Variants in SLC29A4 observed in about 807,000 individuals in gnomAD.
SLC29A4 encodes equilibrative nucleoside transporter 4.
In SLC29A4, 36 loss-of-function variants were observed where a neutral mutation model predicts 43.9. The ratio of observed to expected loss-of-function variants is 0.82; its 90% confidence interval spans 0.63 to 1.08. SLC29A4 has a LOEUF of 1.08. Among genes scored for constraint, SLC29A4 ranks in the 50% least tolerant of loss-of-function variants. SLC29A4 has a pLI of 0.00. For synonymous variants in SLC29A4, 491 were observed against 338.0 expected (o/e 1.45, Z -4.97); for missense variants, 869 against 755.3 (o/e 1.15, Z -1.77).
chr7:5,297,783 G>A (rs1223572583), intron 7 of SLC29A4, among the ~76,000 whole-genome samples: 1 of 152,186 alleles, frequency 6.6e-6, no homozygotes, highest in African/African-American at 2.4e-5. Context: ...CTCCCAGGTG[G>A]GGATAGGCGG....
At chr7:5,299,729 T>A (rs114699407) in intron 9 of SLC29A4, among the ~76,000 whole-genome samples, 1 of 152,126 alleles carries the variant, frequency 6.6e-6, no homozygotes, top group Non-Finnish European at 1.5e-5. Flanking sequence ...CAGAGGGGAC[T>A]CAGAGAAGGC....
intron 1 of SLC29A4, among the ~76,000 whole-genome samples, chr7:5,284,339 C>A (rs1470826269): frequency 6.6e-6 from 1 of 152,162 alleles, no homozygotes; most frequent in Non-Finnish European, 1.5e-5. Flanking sequence ...TGCAGCTGAG[C>A]CTACCCCACC....
Position 5,300,427 on chromosome 7 carries a change from G to A in SLC29A4, c.1215G>A (p.Leu405=). Residue 405 remains leucine, a synonymous_variant, in exon 10 of 11, where the codon CTG becomes CTA. Transcript: ENST00000396872. ...FNLSDFVGKI[L]AALPVDWRGT... is the part of the protein sequence containing the mutation. ...ACTTGCCTGGCTCTCTGCAGATCCT[G>A]GCAGCCCTGCCCGTGGACTGGCGGG... The A allele has an allele frequency of 6.2e-7, 1 of 1,611,292 alleles. No homozygotes were observed.
chr7:5,286,971 C>G (rs545571178), intron 1 of SLC29A4, among the ~76,000 whole-genome samples: 21 of 152,350 alleles, frequency 1.4e-4, no homozygotes, highest in African/African-American at 4.6e-4. Flanking sequence ...CATCGTACCG[C>G]CAAAGTATTC....
intron 4 of SLC29A4, 152 bp downstream of exon 4, chr7:5,291,389 CGTGGTGGGGCCTCTGT>C: frequency 1.2e-6 from 1 of 811,854 alleles, no homozygotes; most frequent in Non-Finnish European, 2.0e-6. Context: ...TGTAAGACAC[CGTGGTGGGGCCTCTGT>C]ACCCCAAGTC....
At position 5,306,884 on chromosome 7, in the gene SLC29A4, A is replaced by AG. The variant is rs1015556402; in HGVS notation, c.*3945_*3946insG. The AG allele has an allele frequency of 2.9e-4, 44 of 151,204 alleles. No homozygotes were observed. Among genetic ancestry groups the AG allele is most frequent in the African/African-American group, 1.1e-3 (44 of 41,142 alleles). The allele number at this position is 151,204 out of a possible 1,614,324, so 9.4% of individuals were successfully genotyped here. Reference sequence around the variant, plus strand: ...AAAATTCCAAAAGAAACATAAAAAAAAAAACCAATAATTCCCCCAAAAAAC... The same window carrying AG: ...AAAATTCCAAAAGAAACATAAAAAAAGAAAACCAATAATTCCCCCAAAAAAC... On this transcript the variant is annotated 3_prime_UTR_variant, in exon 11 of 11. Transcript: ENST00000396872.
chr7:5,291,940 A>G, intron 5 of SLC29A4, 119 bp downstream of exon 5: 2 of 1,416,120 alleles, frequency 1.4e-6, no homozygotes, highest in Non-Finnish European at 1.9e-6. Context: ...GCTGGGTGCC[A>G]GGTGTGTGTC....
chr7:5,285,620 G>C (rs1238067970), intron 1 of SLC29A4, among the ~76,000 whole-genome samples: 5 of 152,240 alleles, frequency 3.3e-5, no homozygotes, highest in African/African-American at 9.6e-5. Flanking sequence ...CCTGCCTAGA[G>C]GCTGGGAAGG....
In SLC29A4 at chr7:5,291,772, C is replaced by G. The variant is rs370316788; in HGVS notation, c.495C>G (p.Ala165=). 1.8e-5 allele frequency: 29 copies of G among 1,611,868 alleles called. No individual in the cohort carries two copies. Among genetic ancestry groups the G allele is most frequent in the Middle Eastern group, 4.5e-4 (2 of 4,462 alleles). ...TGCAGCTCTTCTCTCGGGACCAGGC[C>G]TACGCCATCAACCTGGCCGCTGTGG... is the stretch of plus-strand genomic sequence containing the variant. ...VWLQLFSRDQ[A]YAINLAAVGT... Residue 165 remains alanine (A), a synonymous_variant, in exon 5 of 11, where the codon GCC becomes GCG. Coordinates refer to ENST00000396872, the MANE Select transcript of SLC29A4 (RefSeq NM_153247.4).
chr7:5,302,929 C>T lies in SLC29A4; in HGVS notation c.1583C>T (p.Ala528Val). The change falls in exon 11 of 11, where the codon GCA (alanine) becomes GTA (valine). Residue 528 changes from alanine to valine, a missense_variant. Coordinates refer to ENST00000396872, the MANE Select transcript of SLC29A4 (RefSeq NM_153247.4). ...HASTANGSIL[A>V]GL ...TCCACCGCCAATGGTTCCATCCTCGCAGGCCTCTGAGCCAGCCCCGCCCAC... is the reference window on the plus strand; with the variant it reads ...TCCACCGCCAATGGTTCCATCCTCGTAGGCCTCTGAGCCAGCCCCGCCCAC... 1.2e-6 allele frequency: 2 copies of T among 1,606,806 alleles called. No homozygotes were observed. Among genetic ancestry groups the T allele is most frequent in the Non-Finnish European group, 1.7e-6 (2 of 1,177,720 alleles).
In SLC29A4 at chr7:5,303,615, C is replaced by G. The variant is rs1381353698; in HGVS notation, c.*676C>G. ...GGCACGTCAGGACCTCCCCACACAC[C>G]CACACGATGCCACAGGTCAGGGGGC... is the stretch of plus-strand genomic sequence containing the variant. On this transcript the variant is annotated 3_prime_UTR_variant, in exon 11 of 11. Coordinates refer to ENST00000396872, the MANE Select transcript of SLC29A4 (RefSeq NM_153247.4). 2.0e-5 allele frequency: 3 copies of G among 152,564 alleles called. No homozygotes were observed. 9.5% of individuals were successfully genotyped at this position (152,564 alleles called of 1,614,324 possible).
chr7:5,287,368 T>A (rs1447828371), intron 1 of SLC29A4, among the ~76,000 whole-genome samples: 1 of 149,292 alleles, frequency 6.7e-6, no homozygotes, highest in African/African-American at 2.5e-5. Flanking sequence ...AAATGAGTGA[T>A]GGTTGCACCA....
chr7:5,285,823 G>T lies in SLC29A4; in HGVS notation c.-8-1986G>T, dbSNP rs180895396. Among the ~76,000 whole-genome samples the T allele has an allele frequency of 2.6e-5, 4 of 152,160 alleles. No individual in the cohort carries two copies. In the South Asian group the frequency reaches 8.3e-4, roughly 32 times the overall value. On this transcript the variant is annotated intron_variant, in intron 1 of 10. Coordinates refer to ENST00000396872, the MANE Select transcript of SLC29A4 (RefSeq NM_153247.4). Reference sequence around the variant, plus strand: ...GCCCAGGAGTTCAAGACCACTATGGGCAACACAGTGAGACCCCCATCTCTA... The same window carrying T: ...GCCCAGGAGTTCAAGACCACTATGGTCAACACAGTGAGACCCCCATCTCTA...
intron 10 of SLC29A4, among the ~76,000 whole-genome samples, chr7:5,302,502 C>T (rs1786237147): frequency 1.3e-5 from 2 of 152,168 alleles, no homozygotes; most frequent in Non-Finnish European, 2.9e-5. Context: ...ATGGTTGTAC[C>T]ACTGCACTCC....
intron 1 of SLC29A4, among the ~76,000 whole-genome samples, chr7:5,284,115 G>T (rs1784824315): frequency 6.7e-6 from 1 of 149,812 alleles, no homozygotes. Flanking sequence ...GCCAGAAGCA[G>T]TGGCTCACTC....
intron 3 of SLC29A4, 115 bp downstream of exon 3, chr7:5,290,978 C>G (rs183490341): frequency 2.6e-6 from 4 of 1,533,052 alleles, no homozygotes; most frequent in African/African-American, 2.7e-5. Flanking sequence ...ATTCAGATCT[C>G]GGCTCCACTG....
rs750684955 is a variant in SLC29A4 at position 5,290,791 on chromosome 7, G to T, written c.229G>T (p.Ala77Ser). 6.2e-7 allele frequency: 1 copy of T among 1,614,038 alleles called. No homozygotes were observed. The highest frequency in any genetic ancestry group is 8.5e-7 in the Non-Finnish European group (1 of 1,179,952). ...YHAIYFAMLL[A>S]GVGFLLPYNS... ...CGCCATCTACTTTGCGATGCTGCTG[G>T]CTGGCGTGGGCTTCCTGCTGCCATA... is the stretch of plus-strand genomic sequence containing the variant. The change falls in exon 3 of 11, where the codon GCT becomes TCT. Residue 77 changes from alanine to serine, a missense_variant. Ala to Ser is a moderately conservative substitution (Grantham distance 99, BLOSUM62 1). Coordinates refer to ENST00000396872, the MANE Select transcript of SLC29A4 (RefSeq NM_153247.4).
intron 7 of SLC29A4, among the ~76,000 whole-genome samples, chr7:5,298,056 G>T (rs937095327): frequency 1.3e-5 from 2 of 152,214 alleles, no homozygotes; most frequent in Non-Finnish European, 1.5e-5. Flanking sequence ...AGGAGTGCCA[G>T]GCCATGCAGA....
At chr7:5,292,738 G>A (rs1420529742) in intron 5 of SLC29A4, among the ~76,000 whole-genome samples, 8 of 107,588 alleles carry the variant, frequency 7.4e-5, no homozygotes, top group Admixed American at 1.3e-4. Context: ...TCACTCTGTC[G>A]CCCAGGCTGG....
Sources: gnomAD v4.1 joint callset for allele counts (sites outside exome capture counted in the v4.1 genomes callset) on GRCh38, gnomAD v4.1.1 for gene constraint, MANE v1.5 for transcripts, NCBI Gene and HGNC (gene_info 2026-07-23, HGNC 2026-07-21) for gene names.